The following ZDHHC11B variants were observed in gnomAD, a reference collection of about 807,000 sequenced individuals.
The protein encoded by ZDHHC11B is zDHHC palmitoyltransferase 11B (putative), also known as probable palmitoyltransferase ZDHHC11B.
In ZDHHC11B, 17 loss-of-function variants were observed where a neutral mutation model predicts 42.3. The observed-to-expected ratio is 0.40, with a 90% confidence interval of 0.27 to 0.60. ZDHHC11B has a LOEUF of 0.60. Among genes scored for constraint, ZDHHC11B ranks in the 20% least tolerant of loss-of-function variants. The probability of loss-of-function intolerance (pLI) is 0.41; values close to 1 mark genes in which losing one functional copy is unlikely to be tolerated. For missense variants in ZDHHC11B, 262 were observed against 463.2 expected (o/e 0.57, Z 3.99); for synonymous variants, 123 against 193.5 (o/e 0.64, Z 3.02).
At chr5:736,136 C>A (rs1324915664) in intron 10 of ZDHHC11B, among the ~76,000 whole-genome samples, 9 of 149,366 alleles carry the variant, frequency 6.0e-5, no homozygotes, top group Non-Finnish European at 1.3e-4. Context: ...ATATTCCATA[C>A]AAATGGAAAC....
At chr5:744,007 C>T (rs1235040347) in intron 9 of ZDHHC11B, among the ~76,000 whole-genome samples, 1 of 149,832 alleles carries the variant, frequency 6.7e-6, no homozygotes, top group African/African-American at 2.5e-5. Context: ...CCTATCATTC[C>T]TAGGCCACTG....
chr5:776,743 C>G (rs1283021607), intron 1 of ZDHHC11B, among the ~76,000 whole-genome samples: 1 of 151,992 alleles, frequency 6.6e-6, no homozygotes, highest in African/African-American at 2.4e-5. Flanking sequence ...ACCTGGGAGC[C>G]CTGCCCTCCT....
intron 1 of ZDHHC11B, among the ~76,000 whole-genome samples, chr5:780,927 G>C (rs1736912887): frequency 6.7e-6 from 1 of 150,360 alleles, no homozygotes; most frequent in Non-Finnish European, 1.5e-5. Flanking sequence ...AGCCACGGTG[G>C]CCAGGTTACC....
chr5:783,273 G>A (rs1328107926), intron 1 of ZDHHC11B, among the ~76,000 whole-genome samples: 1 of 152,252 alleles, frequency 6.6e-6, no homozygotes, highest in Non-Finnish European at 1.5e-5. Context: ...GTGGGGAGGC[G>A]CTGGCACCGA....
At chr5:718,456 G>A (rs1213412636) in intron 12 of ZDHHC11B, among the ~76,000 whole-genome samples, 1 of 151,804 alleles carries the variant, frequency 6.6e-6, no homozygotes, top group East Asian at 1.9e-4. Context: ...GGTGGATCAC[G>A]AGGTCAGGAG....
intron 1 of ZDHHC11B, among the ~76,000 whole-genome samples, chr5:774,129 C>T (rs1445083835): frequency 1.4e-4 from 21 of 152,004 alleles, no homozygotes; most frequent in Non-Finnish European, 1.6e-4. Flanking sequence ...ACCTTGGCCC[C>T]AACCCCACAG....
At chr5:759,059 G>A (rs1186066545) in intron 4 of ZDHHC11B, among the ~76,000 whole-genome samples, 3 of 151,884 alleles carry the variant, frequency 2.0e-5, no homozygotes, top group African/African-American at 7.3e-5. Context: ...TTTTATGCCG[G>A]TAGTGTTTTA....
At chr5:760,882 A>G (rs1734519115) in intron 4 of ZDHHC11B, among the ~76,000 whole-genome samples, 1 of 150,104 alleles carries the variant, frequency 6.7e-6, no homozygotes, top group Admixed American at 6.6e-5. Context: ...GCAGCGGGAC[A>G]GGCCACCACC....
intron 1 of ZDHHC11B, among the ~76,000 whole-genome samples, chr5:771,027 T>C (rs1404882741): frequency 2.0e-5 from 3 of 151,890 alleles, no homozygotes; most frequent in Admixed American, 6.6e-5. Flanking sequence ...ACTCAGGGCA[T>C]GAAAGCTGCT....
chr5:730,295 T>A, intron 12 of ZDHHC11B, 139 bp downstream of exon 12: 2 of 1,096,404 alleles, frequency 1.8e-6, no homozygotes, highest in Non-Finnish European at 2.5e-6. Flanking sequence ...GCTATAAATG[T>A]TCAGTGAAGC....
intron 13 of ZDHHC11B, among the ~76,000 whole-genome samples, chr5:715,824 G>T (rs1158014088): frequency 6.6e-6 from 1 of 151,442 alleles, no homozygotes; most frequent in Non-Finnish European, 1.5e-5. Flanking sequence ...GGGCTGTGCT[G>T]CTGGGAGACC....
At chr5:771,432 G>T (rs1736027426) in intron 1 of ZDHHC11B, among the ~76,000 whole-genome samples, 1 of 151,598 alleles carries the variant, frequency 6.6e-6, no homozygotes, top group Non-Finnish European at 1.5e-5. Flanking sequence ...GGATCCTGGT[G>T]GGGGCTGGGC....
chr5:745,177 T>C lies in ZDHHC11B; in HGVS notation c.900+6A>G, dbSNP rs746106162. The C allele has an allele frequency of 2.6e-6, 3 of 1,175,588 alleles. No individual in the cohort carries two copies. In the African/African-American group the frequency reaches 4.3e-5, roughly 17 times the overall value. 72.8% of individuals were successfully genotyped at this position (1,175,588 alleles called of 1,614,324 possible). On this transcript the variant is annotated splice_donor_region_variant and intron_variant, in intron 9 of 13. Transcript: ENST00000508859. ...TGGAGAAAAGGAGCAGAGAGACAGG[T>C]GGTACCTGGAGAAATCCTTTGTCCA...
At chr5:745,088 T>C (rs2127057052) in intron 9 of ZDHHC11B, 95 bp downstream of exon 9, 1 of 1,294,388 alleles carries the variant, frequency 7.7e-7, no homozygotes, top group African/African-American at 1.4e-5. Context: ...GCATCGGCCC[T>C]GAAGTAAAGG....
intron 1 of ZDHHC11B, among the ~76,000 whole-genome samples, chr5:776,466 C>T (rs1370011733): frequency 6.6e-6 from 1 of 151,886 alleles, no homozygotes; most frequent in Non-Finnish European, 1.5e-5. Flanking sequence ...ACCGGGTAGG[C>T]CCCTGGCCAG....
In ZDHHC11B at chr5:720,887, A is replaced by G. The variant is rs559690817; in HGVS notation, c.1059-4022T>C. On this transcript the variant is annotated intron_variant, in intron 12 of 13. Transcript: ENST00000508859. Reference sequence around the variant, plus strand: ...GCCTTTGGGAAGCTAAAGTGGGAGGATCATGTGAGACCAGGAGTTCAAGTC... The same window carrying G: ...GCCTTTGGGAAGCTAAAGTGGGAGGGTCATGTGAGACCAGGAGTTCAAGTC... 4.5e-4 allele frequency among the ~76,000 whole-genome samples: 68 copies of G among 151,642 alleles called. 1 individual carries two copies. The highest frequency in any genetic ancestry group is 1.6e-3 in the African/African-American group (64 of 41,174).
chr5:767,313 C>T, intron 3 of ZDHHC11B, 79 bp downstream of exon 3: 3 of 1,473,446 alleles, frequency 2.0e-6, no homozygotes, highest in African/African-American at 1.4e-5. Context: ...CACCCACACA[C>T]ATGTGGGGCT....
intron 4 of ZDHHC11B, among the ~76,000 whole-genome samples, chr5:759,518 G>C (rs1268635881): frequency 6.6e-6 from 1 of 152,014 alleles, no homozygotes; most frequent in African/African-American, 2.4e-5. Context: ...GCTGGGAAGA[G>C]ATTTCTCCAG....
At chr5:757,181 C>G (rs2127137657) in intron 4 of ZDHHC11B, among the ~76,000 whole-genome samples, 1 of 152,008 alleles carries the variant, frequency 6.6e-6, no homozygotes, top group Admixed American at 6.6e-5. Context: ...GGACCGCCTT[C>G]TAGCCATGAG....
Sources: gnomAD v4.1 joint callset for allele counts (sites outside exome capture counted in the v4.1 genomes callset) on GRCh38, gnomAD v4.1.1 for gene constraint, MANE v1.5 for transcripts, NCBI Gene and HGNC (gene_info 2026-07-23, HGNC 2026-07-21) for gene names.